ASIC2: variants seen among roughly 807,000 people sequenced by gnomAD.
ASIC2 encodes acid-sensing ion channel 2.
A neutral mutation model predicts 57.3 loss-of-function variants in ASIC2; 25 were observed. That is an observed-to-expected ratio of 0.44 (90% CI 0.32 to 0.61). The LOEUF (loss-of-function observed/expected upper bound fraction) is 0.61, where lower values mean the gene tolerates loss of function less well. Among genes scored for constraint, ASIC2 ranks in the 20% least tolerant of loss-of-function variants. The pLI is 0.06. For synonymous variants in ASIC2, 319 were observed against 307.5 expected, an observed-to-expected ratio of 1.04 and a Z score of -0.39; for missense variants, 641 against 738.1, an observed-to-expected ratio of 0.87 and a Z score of 1.52.
intron 1 of ASIC2, among the ~76,000 whole-genome samples, chr17:33,879,384 A>C (rs556303851): frequency 6.6e-6 from 1 of 152,272 alleles, no homozygotes. Flanking sequence ...AGAGACACAC[A>C]TAGGCTCAAA....
At chr17:33,958,221 C>CGA (rs1211560908) in intron 1 of ASIC2, among the ~76,000 whole-genome samples, 4 of 152,140 alleles carry the variant, frequency 2.6e-5, no homozygotes, top group African/African-American at 9.7e-5. Flanking sequence ...TCCAGGTGCA[C>CGA]GATGCAAGCT....
intron 1 of ASIC2, among the ~76,000 whole-genome samples, chr17:33,822,836 C>T (rs955305670): frequency 6.6e-6 from 1 of 152,110 alleles, no homozygotes; most frequent in Non-Finnish European, 1.5e-5. Flanking sequence ...GGAAAGATGT[C>T]GTTATCTACA....
rs552200787 is a variant in ASIC2, at chr17:34,095,987, T to G, written c.555+59991A>C. On this transcript the variant is annotated intron_variant, in intron 1 of 9. Coordinates refer to the ASIC2 transcript ENST00000359872. ...CAAACTAAAGCTCAGAAAAAGTAGA[T>G]AACTTTCCCAAGATCAAAATCAAAT... Among the ~76,000 whole-genome samples the G allele has an allele frequency of 2.0e-5, 3 of 152,186 alleles. No individual in the cohort carries two copies. In the South Asian group the frequency reaches 6.2e-4, roughly 32 times the overall value.
At chr17:33,160,492 C>T (rs1905132955) in intron 1 of ASIC2, among the ~76,000 whole-genome samples, 1 of 152,216 alleles carries the variant, frequency 6.6e-6, no homozygotes. Flanking sequence ...TCTTCCTCTT[C>T]ATTGGTGCTC....
chr17:33,345,603 T>C (rs1907912115), intron 1 of ASIC2, among the ~76,000 whole-genome samples: 1 of 152,080 alleles, frequency 6.6e-6, no homozygotes, highest in African/African-American at 2.4e-5. Flanking sequence ...CTGGTACAAA[T>C]GCTGTGAGGT....
At chr17:33,358,579 T>C (rs1908478879) in intron 1 of ASIC2, among the ~76,000 whole-genome samples, 1 of 152,214 alleles carries the variant, frequency 6.6e-6, no homozygotes, top group Admixed American at 6.5e-5. Context: ...ATACATAAGC[T>C]TGGCAATTAT....
intron 1 of ASIC2, among the ~76,000 whole-genome samples, chr17:33,709,739 G>T (rs1299453126): frequency 2.0e-5 from 3 of 152,174 alleles, no homozygotes; most frequent in Non-Finnish European, 4.4e-5. Context: ...TTTGCATTGG[G>T]GGAAATGGAT....
chr17:33,916,566 A>ATTC (rs1436640239), intron 1 of ASIC2, among the ~76,000 whole-genome samples: 1 of 152,206 alleles, frequency 6.6e-6, no homozygotes, highest in African/African-American at 2.4e-5. Flanking sequence ...AGAAGAAAGA[A>ATTC]TTCTAGCTGA....
At chr17:33,469,061 G>A (rs1008855045) in intron 1 of ASIC2, among the ~76,000 whole-genome samples, 3 of 152,234 alleles carry the variant, frequency 2.0e-5, no homozygotes, top group African/African-American at 7.2e-5. Context: ...CAATACCTAA[G>A]TGGGTATGCA....
At chr17:33,411,319 T>A (rs1910651555) in intron 1 of ASIC2, among the ~76,000 whole-genome samples, 1 of 152,158 alleles carries the variant, frequency 6.6e-6, no homozygotes, top group South Asian at 2.1e-4. Flanking sequence ...TTAGAAAAAC[T>A]TTGAGATGGT....
intron 1 of ASIC2, among the ~76,000 whole-genome samples, chr17:33,538,247 G>A (rs894731625): frequency 2.6e-5 from 4 of 152,190 alleles, no homozygotes; most frequent in African/African-American, 9.7e-5. Flanking sequence ...ACAGGACTTA[G>A]AGGTGAAAAT....
intron 3 of ASIC2, among the ~76,000 whole-genome samples, chr17:33,070,854 T>C (rs916386686): frequency 6.6e-6 from 1 of 150,848 alleles, no homozygotes; most frequent in Non-Finnish European, 1.5e-5. Context: ...TGCTTAATTT[T>C]TGGAGGCATT....
chr17:33,260,786 A>G (rs1909251639), intron 1 of ASIC2, among the ~76,000 whole-genome samples: 3 of 152,000 alleles, frequency 2.0e-5, no homozygotes, highest in Admixed American at 2.0e-4. Flanking sequence ...CCTTCTCACC[A>G]CCACCCCTTG....
chr17:33,835,419 T>G (rs1913244671), intron 1 of ASIC2, among the ~76,000 whole-genome samples: 1 of 152,234 alleles, frequency 6.6e-6, no homozygotes, highest in African/African-American at 2.4e-5. Flanking sequence ...AGCTCAAATC[T>G]TGTGAACCCT....
intron 3 of ASIC2, among the ~76,000 whole-genome samples, chr17:33,088,469 C>A (rs9901562): frequency 0.23 from 34,946 of 152,042 alleles, 4,481 homozygotes; most frequent in South Asian, 0.42. Flanking sequence ...CGCCTCCACC[C>A]CTTTTCTTTT....
At position 33,635,896 on chromosome 17, in the gene ASIC2, C is replaced by A. The variant is rs769312142; in HGVS notation, c.555+520082G>T. Among the ~76,000 whole-genome samples, 179 of 152,122 alleles carry A rather than the reference C, an allele frequency of 1.2e-3. 1 individual carries two copies. Among genetic ancestry groups the A allele is most frequent in the Non-Finnish European group, 9.0e-4 (61 of 68,024 alleles). On this transcript the variant is annotated intron_variant, in intron 1 of 9. Coordinates refer to the ASIC2 transcript ENST00000359872. ...CACACAAGGATGCTCACTGCAACTG[C>A]AAAACTTAGAAAACCATAGAAATGT...
At chr17:33,173,621 G>A (rs968537014) in intron 1 of ASIC2, among the ~76,000 whole-genome samples, 4 of 152,326 alleles carry the variant, frequency 2.6e-5, no homozygotes, top group South Asian at 2.1e-4. Context: ...GTTTGTAGAA[G>A]AGACAGCCAG....
At chr17:33,944,344 C>A (rs1035448236) in intron 1 of ASIC2, among the ~76,000 whole-genome samples, 14 of 152,228 alleles carry the variant, frequency 9.2e-5, no homozygotes, top group African/African-American at 3.1e-4. Context: ...GCAGGAGAAA[C>A]AGCGCCAGTT....
chr17:33,177,323 A>G (rs1289311679), intron 1 of ASIC2, among the ~76,000 whole-genome samples: 1 of 152,266 alleles, frequency 6.6e-6, no homozygotes, highest in Non-Finnish European at 1.5e-5. Flanking sequence ...AGGAGCTCCT[A>G]TATTACTGAG....
Sources: allele counts gnomAD v4.1 joint callset (sites outside exome capture counted in the v4.1 genomes callset), GRCh38; gene constraint gnomAD v4.1.1; transcripts MANE v1.5; gene names NCBI Gene and HGNC (gene_info 2026-07-23, HGNC 2026-07-21).